The following HDAC9 variants were observed in gnomAD, a reference collection of about 807,000 sequenced individuals.
The protein encoded by HDAC9 is histone deacetylase 9.
HDAC9 carries 41 observed loss-of-function variants against 139.4 expected under a neutral mutation model. The ratio of observed to expected loss-of-function variants is 0.29; its 90% CI spans 0.23 to 0.38. HDAC9 has a LOEUF of 0.38. Ranked by LOEUF, HDAC9 falls within the 10% of genes least tolerant of loss-of-function variation. HDAC9 has a pLI of 1.00. For synonymous variants in HDAC9, 517 were observed against 476.2 expected (o/e 1.09, Z -1.12); for missense variants, 1,147 against 1,297.0 (o/e 0.88, Z 1.78).
At chr7:18,361,441 C>G (rs538862463) in intron 1 of HDAC9, among the ~76,000 whole-genome samples, 2 of 152,292 alleles carry the variant, frequency 1.3e-5, no homozygotes, top group Admixed American at 6.5e-5. Context: ...GTAGTATTCA[C>G]TGCCTTCCCT....
intron 1 of HDAC9, among the ~76,000 whole-genome samples, chr7:18,318,650 C>G (rs1219617014): frequency 6.6e-6 from 1 of 152,184 alleles, no homozygotes; most frequent in Non-Finnish European, 1.5e-5. Context: ...GCATTAACTA[C>G]TGATGATGAT....
intron 1 of HDAC9, among the ~76,000 whole-genome samples, chr7:18,410,017 C>A (rs918288703): frequency 5.3e-5 from 8 of 150,586 alleles, no homozygotes; most frequent in Non-Finnish European, 8.8e-5. Flanking sequence ...TTTTCTTTAC[C>A]CATTTTTTTT....
At chr7:18,355,460 A>T (rs906257166) in intron 1 of HDAC9, among the ~76,000 whole-genome samples, 1 of 152,196 alleles carries the variant, frequency 6.6e-6, no homozygotes, top group Non-Finnish European at 1.5e-5. Context: ...ATTTAGGATT[A>T]AAAAAATTCT....
chr7:18,710,236 G>A (rs1178115), intron 12 of HDAC9, among the ~76,000 whole-genome samples: 62,033 of 151,970 alleles, frequency 0.41, 14,728 homozygotes, highest in African/African-American at 0.67. Context: ...CCCATGACAC[G>A]TGGGAATTAT....
intron 2 of HDAC9, among the ~76,000 whole-genome samples, chr7:18,568,531 C>A (rs1298079479): frequency 6.6e-6 from 1 of 152,112 alleles, no homozygotes. Context: ...CAGTTGACTG[C>A]GTATTGTGAA....
At chr7:18,910,248 C>T (rs1802625632) in intron 22 of HDAC9, among the ~76,000 whole-genome samples, 1 of 151,886 alleles carries the variant, frequency 6.6e-6, no homozygotes, top group African/African-American at 2.4e-5. Flanking sequence ...CAGTGTTTTA[C>T]AGTTTTCATC....
intron 16 of HDAC9, among the ~76,000 whole-genome samples, chr7:18,788,330 TC>T (rs1299703422): frequency 6.6e-6 from 1 of 152,162 alleles, no homozygotes; most frequent in Admixed American, 6.5e-5. Context: ...ACTTGAGACT[TC>T]CAGCTGCACT....
intron 2 of HDAC9, among the ~76,000 whole-genome samples, chr7:18,536,064 G>C (rs1410828684): frequency 1.3e-5 from 2 of 152,164 alleles, no homozygotes; most frequent in African/African-American, 4.8e-5. Flanking sequence ...TTCTTTTGTA[G>C]TTCAAGCCTA....
chr7:18,192,598 T>G (rs541269104), intron 2 of HDAC9, among the ~76,000 whole-genome samples: 4 of 152,128 alleles, frequency 2.6e-5, no homozygotes, highest in African/African-American at 9.7e-5. Context: ...GAAATGTCAT[T>G]AAGGATATAG....
At chr7:18,455,044 TTTTC>T (rs1392290672) in intron 1 of HDAC9, among the ~76,000 whole-genome samples, 1 of 152,106 alleles carries the variant, frequency 6.6e-6, no homozygotes, top group African/African-American at 2.4e-5. Flanking sequence ...GGTCTTGATT[TTTTC>T]TTTCTTTTTT....
chr7:18,545,742 G>A (rs1360231684), intron 2 of HDAC9, among the ~76,000 whole-genome samples: 1 of 152,112 alleles, frequency 6.6e-6, no homozygotes, highest in African/African-American at 2.4e-5. Flanking sequence ...AAATAAAATG[G>A]CAGGTATGAA....
At chr7:18,099,181 T>G (rs1002177861) in intron 1 of HDAC9, among the ~76,000 whole-genome samples, 1 of 152,202 alleles carries the variant, frequency 6.6e-6, no homozygotes, top group Non-Finnish European at 1.5e-5. Context: ...AAAGTTCATC[T>G]GGGTGTGTTG....
chr7:18,304,009 C>A (rs1329997281), intron 1 of HDAC9, among the ~76,000 whole-genome samples: 2 of 152,224 alleles, frequency 1.3e-5, no homozygotes, highest in African/African-American at 4.8e-5. Context: ...TTCTTTGTTA[C>A]AGCAGCTTAG....
chr7:18,938,319 G>A (rs1237682776), intron 23 of HDAC9, among the ~76,000 whole-genome samples: 1 of 151,842 alleles, frequency 6.6e-6, no homozygotes, highest in African/African-American at 2.4e-5. Flanking sequence ...TCGCTGGCCG[G>A]GCGCGGTGTC....
At chr7:18,726,647 A>G (rs972453126) in intron 12 of HDAC9, among the ~76,000 whole-genome samples, 6 of 151,782 alleles carry the variant, frequency 4.0e-5, no homozygotes, top group African/African-American at 1.4e-4. Flanking sequence ...CATGTTGAAG[A>G]TAAAATATTC....
chr7:18,825,997 A>G (rs1416459273), intron 17 of HDAC9, among the ~76,000 whole-genome samples: 1 of 151,826 alleles, frequency 6.6e-6, no homozygotes, highest in Non-Finnish European at 1.5e-5. Flanking sequence ...TACAAATGTA[A>G]CATGTTAGTG....
upstream of HDAC9, among the ~76,000 whole-genome samples, chr7:18,288,362 T>C (rs1797591190): frequency 6.6e-6 from 1 of 152,238 alleles, no homozygotes; most frequent in Non-Finnish European, 1.5e-5. Flanking sequence ...GTTACTCTTA[T>C]TTTCCTTTTA....
At chr7:18,973,623 T>C (rs1563097572) in intron 24 of HDAC9, among the ~76,000 whole-genome samples, 2 of 152,164 alleles carry the variant, frequency 1.3e-5, no homozygotes, top group Non-Finnish European at 2.9e-5. Flanking sequence ...TCATGAAATA[T>C]TAGAGCTGGA....
chr7:18,572,028 C>T (rs1477965479), intron 2 of HDAC9, among the ~76,000 whole-genome samples: 3 of 149,982 alleles, frequency 2.0e-5, no homozygotes, highest in Non-Finnish European at 3.0e-5. Context: ...AGCAAGAATT[C>T]CTGATAGAAG....
Sources: allele counts gnomAD v4.1 joint callset (sites outside exome capture counted in the v4.1 genomes callset), GRCh38; gene constraint gnomAD v4.1.1; transcripts MANE v1.5; gene names NCBI Gene and HGNC (gene_info 2026-07-23, HGNC 2026-07-21).